The following CRPPA variants were observed in gnomAD, a reference collection of about 807,000 sequenced individuals.
CRPPA encodes the protein D-ribitol-5-phosphate cytidylyltransferase.
CRPPA carries 43 observed loss-of-function variants against 52.0 expected under a neutral mutation model. That is an observed-to-expected ratio of 0.83 (90% CI 0.65 to 1.07). CRPPA has a LOEUF of 1.07. Ranked by LOEUF, CRPPA falls within the 50% of genes least tolerant of loss-of-function variation. CRPPA has a pLI of 0.00. For synonymous variants in CRPPA, 250 were observed against 203.5 expected, an observed-to-expected ratio of 1.23 and a Z score of -1.94; for missense variants, 629 against 551.7, an observed-to-expected ratio of 1.14 and a Z score of -1.40.
chr7:16,270,831 T>A (rs1199905582), intron 6 of CRPPA, among the ~76,000 whole-genome samples: 1 of 152,052 alleles, frequency 6.6e-6, no homozygotes, highest in Non-Finnish European at 1.5e-5. Flanking sequence ...TTTGGATAGG[T>A]CTTAGGATGC....
chr7:16,112,118 C>A (rs998988933), intron 9 of CRPPA, among the ~76,000 whole-genome samples: 2 of 152,046 alleles, frequency 1.3e-5, no homozygotes, highest in African/African-American at 4.8e-5. Context: ...GGTTTGAGAC[C>A]AGCCTGACCA....
chr7:16,344,649 T>C (rs1188637938), intron 3 of CRPPA, among the ~76,000 whole-genome samples: 1 of 151,994 alleles, frequency 6.6e-6, no homozygotes, highest in African/African-American at 2.4e-5. Flanking sequence ...TAGAAGATGT[T>C]AATAAAAAGG....
At chr7:16,267,137 T>G (rs1783977259) in intron 6 of CRPPA, among the ~76,000 whole-genome samples, 1 of 152,238 alleles carries the variant, frequency 6.6e-6, no homozygotes, top group African/African-American at 2.4e-5. Flanking sequence ...ACAGAGTATC[T>G]TAGCCATTGA....
intron 9 of CRPPA, among the ~76,000 whole-genome samples, chr7:16,205,478 T>C (rs903789973): frequency 6.6e-6 from 1 of 152,208 alleles, no homozygotes; most frequent in Non-Finnish European, 1.5e-5. Context: ...ATGCAGTTGC[T>C]TAAACTGGTA....
At chr7:16,135,989 A>G (rs1562521068) in intron 9 of CRPPA, among the ~76,000 whole-genome samples, 2 of 152,182 alleles carry the variant, frequency 1.3e-5, no homozygotes, top group Non-Finnish European at 2.9e-5. Flanking sequence ...CCAGGAACAA[A>G]AGTAGAGAGC....
intron 3 of CRPPA, among the ~76,000 whole-genome samples, chr7:16,323,138 C>A (rs1005256133): frequency 6.6e-6 from 1 of 151,922 alleles, no homozygotes; most frequent in Non-Finnish European, 1.5e-5. Context: ...CCAAACCATA[C>A]GAAATAGAAA....
rs71007759 is a variant in CRPPA, at chr7:16,286,097, AAT to A, written c.836-7873_836-7872del. Among the ~76,000 whole-genome samples, 70 of 39,112 alleles carry A rather than the reference AAT, an allele frequency of 1.8e-3. 3 individuals are homozygous for A. Among genetic ancestry groups the A allele is most frequent in the East Asian group, 8.0e-3 (13 of 1,624 alleles). The allele number at this position is 39,112 out of a possible 152,430, so 25.7% of individuals were successfully genotyped here. On this transcript the variant is annotated intron_variant, in intron 5 of 9. Coordinates refer to ENST00000407010, the MANE Select transcript of CRPPA (RefSeq NM_001101426.4). ...TATATATATAATATTTAAAAAAAAA[AAT>A]ATATATATATATATATATGCCAAAA...
At chr7:16,098,846 C>T (rs1362654553) in intron 9 of CRPPA, among the ~76,000 whole-genome samples, 2 of 152,172 alleles carry the variant, frequency 1.3e-5, no homozygotes, top group Admixed American at 6.5e-5. Context: ...AAGCGATCAC[C>T]TACTGATAGG....
At chr7:16,114,280 G>A (rs1782324173) in intron 9 of CRPPA, among the ~76,000 whole-genome samples, 1 of 142,700 alleles carries the variant, frequency 7.0e-6, no homozygotes. Context: ...CGAGATCAAA[G>A]TAGACACGCA....
At chr7:16,212,699 CCT>C (rs1562560363) in intron 9 of CRPPA, among the ~76,000 whole-genome samples, 1 of 152,184 alleles carries the variant, frequency 6.6e-6, no homozygotes, top group Non-Finnish European at 1.5e-5. Flanking sequence ...GCACCACCAT[CCT>C]CTGTCTCCGC....
At chr7:16,377,848 T>A (rs975798413) in intron 2 of CRPPA, among the ~76,000 whole-genome samples, 1 of 152,178 alleles carries the variant, frequency 6.6e-6, no homozygotes, top group Non-Finnish European at 1.5e-5. Context: ...CTAAAATCTA[T>A]GCAAGTGTGG....
intron 3 of CRPPA, among the ~76,000 whole-genome samples, chr7:16,367,553 TTGG>T (rs761021505): frequency 2.7e-5 from 4 of 150,544 alleles, no homozygotes; most frequent in Non-Finnish European, 5.9e-5. Flanking sequence ...GTGGGGTACA[TTGG>T]TGAATATAAA....
At chr7:16,399,088 CAT>C (rs1230021933) in intron 2 of CRPPA, among the ~76,000 whole-genome samples, 52 of 152,226 alleles carry the variant, frequency 3.4e-4, no homozygotes, top group Non-Finnish European at 5.7e-4. Flanking sequence ...GTGACTGACA[CAT>C]GATAGACGTG....
intron 8 of CRPPA, among the ~76,000 whole-genome samples, chr7:16,233,958 A>T (rs1005499188): frequency 2.6e-5 from 4 of 152,152 alleles, no homozygotes; most frequent in African/African-American, 7.2e-5. Context: ...CAACTGCAAG[A>T]AAAAATGCTT....
chr7:16,114,821 A>T (rs775089634), intron 9 of CRPPA, among the ~76,000 whole-genome samples: 4 of 152,148 alleles, frequency 2.6e-5, no homozygotes, highest in Admixed American at 2.0e-4. Context: ...ACAGTGACAG[A>T]AGAGAGCAGC....
At chr7:16,352,885 A>ACACG (rs1786193893) in intron 3 of CRPPA, among the ~76,000 whole-genome samples, 1 of 9,298 alleles carries the variant, frequency 1.1e-4, no homozygotes, top group Non-Finnish European at 4.5e-4. Flanking sequence ...CATGGCACAC[A>ACACG]CACACACACA....
chr7:16,272,644 T>C (rs1298292573), intron 6 of CRPPA, among the ~76,000 whole-genome samples: 1 of 152,170 alleles, frequency 6.6e-6, no homozygotes, highest in African/African-American at 2.4e-5. Flanking sequence ...TTTACCTTTA[T>C]AAGGGAAGGG....
At chr7:16,335,576 G>C (rs565242201) in intron 3 of CRPPA, among the ~76,000 whole-genome samples, 2 of 152,284 alleles carry the variant, frequency 1.3e-5, no homozygotes, top group South Asian at 4.1e-4. Flanking sequence ...GACATCTGAA[G>C]TTGAGCAAAA....
chr7:16,364,685 C>T (rs752487970), intron 3 of CRPPA, among the ~76,000 whole-genome samples: 1 of 152,168 alleles, frequency 6.6e-6, no homozygotes, highest in East Asian at 1.9e-4. Context: ...CACCACAAAA[C>T]ATCCAGATTT....
Sources: allele counts gnomAD v4.1 joint callset (sites outside exome capture counted in the v4.1 genomes callset), GRCh38; gene constraint gnomAD v4.1.1; transcripts MANE v1.5; gene names NCBI Gene and HGNC (gene_info 2026-07-23, HGNC 2026-07-21).